The following TEN1 variants were observed in gnomAD, a reference collection of about 807,000 sequenced individuals.
The protein encoded by TEN1 is CST complex subunit TEN1.
A neutral mutation model predicts 9.3 loss-of-function variants in TEN1; 6 were observed. The observed-to-expected ratio is 0.65, with a 90% CI of 0.35 to 1.27. The LOEUF (loss-of-function observed/expected upper bound fraction) is 1.27, where lower values mean the gene tolerates loss of function less well. Among genes scored for constraint, TEN1 ranks in the 50% most tolerant of loss-of-function variants. The probability of loss-of-function intolerance (pLI) is 0.03; values close to 1 mark genes in which losing one functional copy is unlikely to be tolerated. For synonymous variants in TEN1, 65 were observed against 65.6 expected (o/e 0.99, Z 0.04); for missense variants, 149 against 158.2 (o/e 0.94, Z 0.31).
intron 3 of TEN1, among the ~76,000 whole-genome samples, chr17:75,997,519 G>A (rs937470172): frequency 2.6e-5 from 4 of 151,788 alleles, no homozygotes; most frequent in Admixed American, 6.6e-5. Flanking sequence ...AACGGCCACC[G>A]ACCATCAGAC....
At chr17:75,998,173 T>C in intron 3 of TEN1, among the ~76,000 whole-genome samples, 1 of 150,224 alleles carries the variant, frequency 6.7e-6, no homozygotes, top group African/African-American at 2.4e-5. Context: ...TTTTTCCTTT[T>C]TTTTTTTTTT....
intron 3 of TEN1, among the ~76,000 whole-genome samples, chr17:75,992,185 C>G (rs943475698): frequency 5.1e-4 from 77 of 152,028 alleles, no homozygotes; most frequent in Non-Finnish European, 9.3e-4. Context: ...TTGCTTAGAT[C>G]TTTTTGAATT....
intron 1 of TEN1, among the ~76,000 whole-genome samples, chr17:75,983,232 G>C (rs1048163033): frequency 1.1e-4 from 17 of 151,914 alleles, no homozygotes; most frequent in African/African-American, 3.9e-4. Flanking sequence ...AGTGAGCCGA[G>C]ATCCCGCCAC....
chr17:75,996,101 G>A (rs2066216503), intron 3 of TEN1, among the ~76,000 whole-genome samples: 1 of 151,772 alleles, frequency 6.6e-6, no homozygotes, highest in Non-Finnish European at 1.5e-5. Flanking sequence ...TAAAGAAAAA[G>A]AAAAGAGGCT....
At chr17:75,983,529 A>G (rs765009120) in intron 1 of TEN1, among the ~76,000 whole-genome samples, 10 of 152,266 alleles carry the variant, frequency 6.6e-5, no homozygotes, top group Non-Finnish European at 8.8e-5. Flanking sequence ...TTCATAGCCT[A>G]TGCCACCTCT....
chr17:75,986,111 A>C (rs1045421668), intron 1 of TEN1, 76 bp from the exon 2 acceptor site: 7 of 1,171,350 alleles, frequency 6.0e-6, no homozygotes, highest in Non-Finnish European at 8.3e-6. Context: ...GGTCTCATAT[A>C]TCTGCTAATC....
chr17:75,991,308 C>T (rs990087703), intron 2 of TEN1, among the ~76,000 whole-genome samples, 158 bp from the exon 3 acceptor site: 1 of 152,062 alleles, frequency 6.6e-6, no homozygotes, highest in Non-Finnish European at 1.5e-5. Context: ...ACAGTGTAGA[C>T]TGAAACATTT....
intron 3 of TEN1, among the ~76,000 whole-genome samples, chr17:75,992,997 T>G (rs2066196208): frequency 6.7e-6 from 1 of 148,742 alleles, no homozygotes; most frequent in Non-Finnish European, 1.5e-5. Flanking sequence ...AGTCTTGGTC[T>G]GCTGTCCAGG....
At chr17:75,997,355 C>G (rs977242087) in intron 3 of TEN1, among the ~76,000 whole-genome samples, 3 of 152,116 alleles carry the variant, frequency 2.0e-5, no homozygotes, top group African/African-American at 7.2e-5. Context: ...GGCCACACCC[C>G]CCTCCCCGGC....
intron 1 of TEN1, chr17:75,985,030 G>A (rs747461915): frequency 6.6e-6 from 1 of 152,204 alleles, no homozygotes; most frequent in Non-Finnish European, 1.5e-5. Flanking sequence ...GATCATCTGA[G>A]GTCAAGAGTT....
chr17:75,999,386 AG>A (rs2066238624), intron 3 of TEN1, among the ~76,000 whole-genome samples: 1 of 152,030 alleles, frequency 6.6e-6, no homozygotes, highest in African/African-American at 2.4e-5. Flanking sequence ...TCTGTTGCCC[AG>A]GCTGGAGTGC....
intron 2 of TEN1, among the ~76,000 whole-genome samples, chr17:75,989,160 C>T (rs1026893253): frequency 2.7e-5 from 4 of 147,302 alleles, no homozygotes; most frequent in Admixed American, 6.8e-5. Flanking sequence ...AGTGCAGTGG[C>T]GCGATCTCAG....
At position 76,000,187 on chromosome 17, in the gene TEN1, G is replaced by A. The variant is rs1289335151; in HGVS notation, c.297G>A (p.Gly99=). 1.3e-6 allele frequency: 2 copies of A among 1,551,564 alleles called. No individual in the cohort carries two copies. Among genetic ancestry groups the A allele is most frequent in the South Asian group, 2.4e-5 (2 of 84,064 alleles). The change falls in exon 4 of 4, where the codon GGG becomes GGA. Residue 99 remains glycine (G), a synonymous_variant. Coordinates refer to ENST00000397640, the MANE Select transcript of TEN1 (RefSeq NM_001113324.3). The surrounding 1 kb of genome is among the most constrained non-coding windows in gnomAD (Gnocchi z 5.9). The part of the protein sequence containing the change: ...VKARVLTCVE[G]MNLPLLEQAI... ...CGCGCGTGCTGACCTGTGTGGAGGG[G>A]ATGAACCTGCCCTTGTTGGAACAAG...
rs2066215424 is a variant in TEN1 at position 75,995,867 on chromosome 17, AG to A, written c.250+4246del. ...TAGCATGTTCGGAGGCTGAGGTGGG[AG>A]GATCACTTGAACCCAGGAGTTTGAG... On this transcript the variant is annotated intron_variant, in intron 3 of 3. Transcript: ENST00000397640. Among the ~76,000 whole-genome samples, 3 of 152,010 alleles carry A rather than the reference AG, an allele frequency of 2.0e-5. No homozygotes were observed. In the South Asian group the frequency reaches 6.2e-4, roughly 32 times the overall value.
chr17:75,979,373 C>G lies in TEN1; in HGVS notation c.-145C>G, dbSNP rs916534001. The G allele has an allele frequency of 1.9e-6, 1 of 533,654 alleles. No individual in the cohort carries two copies. Among genetic ancestry groups the G allele is most frequent in the Non-Finnish European group, 3.4e-6 (1 of 294,632 alleles). 33.1% of individuals were successfully genotyped at this position (533,654 alleles called of 1,614,324 possible). A position where few individuals can be genotyped will look rare whatever the true frequency, so the allele number is the denominator to read the frequency against. On this transcript the variant is annotated 5_prime_UTR_variant, in exon 1 of 4. Transcript: ENST00000397640. Reference sequence around the variant, plus strand: ...CCCGAGCGGATCCTCGGGAAAGGGGCTCCGAAGGTCAAGAAACTGCCCTGC... The same window carrying G: ...CCCGAGCGGATCCTCGGGAAAGGGGGTCCGAAGGTCAAGAAACTGCCCTGC...
In TEN1 at chr17:75,999,027, C is replaced by T. The variant is rs553682713; in HGVS notation, c.251-1114C>T. 7.3e-5 allele frequency among the ~76,000 whole-genome samples: 11 copies of T among 151,270 alleles called. No homozygotes were observed. In the South Asian group the frequency reaches 2.3e-3, roughly 32 times the overall value. On this transcript the variant is annotated intron_variant, in intron 3 of 3. Coordinates refer to ENST00000397640, the MANE Select transcript of TEN1 (RefSeq NM_001113324.3). ...TTAACTTTTTTTTTTCTCTTGCAAG[C>T]TATGACTGGGGAAAAAAGAAAGAAA...
At chr17:75,997,821 C>G (rs2066226449) in intron 3 of TEN1, among the ~76,000 whole-genome samples, 1 of 152,036 alleles carries the variant, frequency 6.6e-6, no homozygotes, top group Non-Finnish European at 1.5e-5. Context: ...CTTTTTATAA[C>G]CCAGGCCCTT....
intron 3 of TEN1, among the ~76,000 whole-genome samples, chr17:75,995,597 G>A (rs2066213805): frequency 2.0e-5 from 3 of 152,302 alleles, no homozygotes; most frequent in East Asian, 3.9e-4. Flanking sequence ...ACCCGCTGGC[G>A]CCATCCAAAG....
intron 1 of TEN1, among the ~76,000 whole-genome samples, chr17:75,985,984 C>T (rs886549957): frequency 6.6e-6 from 1 of 151,974 alleles, no homozygotes; most frequent in African/African-American, 2.4e-5. Flanking sequence ...TGGTGTGCTG[C>T]ACCCATTAAC....
Sources: allele counts gnomAD v4.1 joint callset (sites outside exome capture counted in the v4.1 genomes callset), GRCh38; gene constraint gnomAD v4.1.1; non-coding constraint Gnocchi (gnomAD v3.1); transcripts MANE v1.5; gene names NCBI Gene and HGNC (gene_info 2026-07-23, HGNC 2026-07-21).